Variants in ARHGAP22 observed in about 807,000 individuals in gnomAD.
The protein encoded by ARHGAP22 is Rho GTPase activating protein 22.
ARHGAP22 carries 48 observed loss-of-function variants against 59.1 expected under a neutral mutation model. That is an observed-to-expected ratio of 0.81 (90% CI 0.64 to 1.03). The LOEUF (loss-of-function observed/expected upper bound fraction) is 1.03. Among genes scored for constraint, ARHGAP22 ranks in the 50% least tolerant of loss-of-function variants. The pLI, the probability that ARHGAP22 is intolerant of heterozygous loss-of-function variation, is 0.00. For missense variants in ARHGAP22, 1,015 were observed against 958.7 expected (o/e 1.06, Z -0.78); for synonymous variants, 445 against 416.4 (o/e 1.07, Z -0.84).
intron 3 of ARHGAP22, among the ~76,000 whole-genome samples, chr10:48,487,095 C>A: frequency 6.6e-6 from 1 of 152,104 alleles, no homozygotes; most frequent in Middle Eastern, 3.2e-3. Flanking sequence ...TTATAGTTTT[C>A]ATAACATTTG....
chr10:48,632,493 A>G (rs2061661488), intron 1 of ARHGAP22, among the ~76,000 whole-genome samples: 1 of 152,012 alleles, frequency 6.6e-6, no homozygotes, highest in Non-Finnish European at 1.5e-5. Context: ...TATAATTCCT[A>G]TCCTTGTTCT....
At chr10:48,439,927 G>A in the ARHGAP22 span, among the ~76,000 whole-genome samples, 3 of 152,240 alleles carry the variant, frequency 2.0e-5, no homozygotes, top group Admixed American at 6.5e-5. Context: ...AGAGGAAGGG[G>A]CTGATCTTTT....
intron 1 of ARHGAP22, among the ~76,000 whole-genome samples, chr10:48,602,205 T>C (rs1463844464): frequency 1.3e-5 from 2 of 152,188 alleles, no homozygotes; most frequent in Non-Finnish European, 2.9e-5. Context: ...TACTTCATCA[T>C]ATTAATAGAG....
chr10:48,627,832 A>G (rs932990456), intron 1 of ARHGAP22, among the ~76,000 whole-genome samples: 66 of 152,280 alleles, frequency 4.3e-4, no homozygotes, highest in African/African-American at 1.5e-3. Flanking sequence ...TGGGCACTTC[A>G]TTCAGGCCAC....
At chr10:48,469,442 C>T (rs772763635) in intron 4 of ARHGAP22, among the ~76,000 whole-genome samples, 5 of 152,244 alleles carry the variant, frequency 3.3e-5, no homozygotes, top group Admixed American at 6.5e-5. Flanking sequence ...GGCCTCTTCA[C>T]TCTGGATGGT....
chr10:48,459,835 G>A lies in ARHGAP22; in HGVS notation c.508C>T (p.Arg170Cys), dbSNP rs765584523. 9.3e-6 allele frequency: 15 copies of A among 1,613,312 alleles called. No homozygotes were observed. In the Admixed American group the frequency reaches 1.2e-4, roughly 13 times the overall value. Residue 170 changes from arginine (R) to cysteine (C), a missense_variant, in exon 5 of 10, where the codon CGC becomes TGC. Arg to Cys is a radical substitution (Grantham distance 180). Transcript: ENST00000249601. ...TGCTCCACCAGCAGGGGCGCCAGGC[G>A]GGGGCCATACTTCCGCTCGTGGTGG... The part of the protein sequence containing the change: ...TVHHERKYGP[R>C]LAPLLVEQCV...
chr10:48,581,931 C>T (rs1259933044), intron 2 of ARHGAP22, among the ~76,000 whole-genome samples: 1 of 152,198 alleles, frequency 6.6e-6, no homozygotes, highest in Admixed American at 6.5e-5. Flanking sequence ...CCCTTTTCAC[C>T]CCTGTGCCCC....
chr10:48,471,791 A>G (rs965365130), intron 4 of ARHGAP22, among the ~76,000 whole-genome samples: 1 of 152,202 alleles, frequency 6.6e-6, no homozygotes, highest in African/African-American at 2.4e-5. Context: ...GATTATTGCA[A>G]ATTCATCTCC....
intron 1 of ARHGAP22, among the ~76,000 whole-genome samples, chr10:48,613,771 G>A (rs2060981336): frequency 6.6e-6 from 1 of 152,116 alleles, no homozygotes; most frequent in South Asian, 2.1e-4. Context: ...GTTTACTTAA[G>A]GAAGTGCTAT....
intron 3 of ARHGAP22, among the ~76,000 whole-genome samples, chr10:48,495,133 T>C (rs562576180): frequency 1.3e-5 from 2 of 152,336 alleles, no homozygotes; most frequent in South Asian, 2.1e-4. Flanking sequence ...TATGAAGGAA[T>C]GTATGACTGT....
intron 1 of ARHGAP22, among the ~76,000 whole-genome samples, chr10:48,618,631 G>A (rs950441018): frequency 6.6e-6 from 1 of 151,962 alleles, no homozygotes; most frequent in East Asian, 1.9e-4. Flanking sequence ...AAAAACATTA[G>A]ATAAAATTCA....
At chr10:48,623,229 G>A (rs933720829) in intron 1 of ARHGAP22, among the ~76,000 whole-genome samples, 3 of 152,172 alleles carry the variant, frequency 2.0e-5, no homozygotes, top group African/African-American at 7.2e-5. Flanking sequence ...GACAGTCCCT[G>A]GTTCAAGTGA....
At chr10:48,470,266 G>A (rs1183148821) in intron 4 of ARHGAP22, among the ~76,000 whole-genome samples, 11 of 152,324 alleles carry the variant, frequency 7.2e-5, no homozygotes, top group East Asian at 1.9e-4. Flanking sequence ...GAACGTTAGC[G>A]TCCTGACCTT....
At chr10:48,603,264 T>C (rs1231197925) in intron 1 of ARHGAP22, among the ~76,000 whole-genome samples, 2 of 152,232 alleles carry the variant, frequency 1.3e-5, no homozygotes, top group African/African-American at 4.8e-5. Context: ...GTAAGCCCCT[T>C]TGCTGAAGCA....
At chr10:48,541,102 T>C (rs1173879524) in intron 3 of ARHGAP22, among the ~76,000 whole-genome samples, 3 of 152,110 alleles carry the variant, frequency 2.0e-5, no homozygotes, top group South Asian at 4.1e-4. Flanking sequence ...GTGATGCTGA[T>C]GCAGCTGGCC....
At chr10:48,590,649 A>T (rs1316621381) in intron 1 of ARHGAP22, among the ~76,000 whole-genome samples, 2 of 152,166 alleles carry the variant, frequency 1.3e-5, no homozygotes, top group Non-Finnish European at 2.9e-5. Flanking sequence ...CCTGGTCAGG[A>T]CTACAGGTCG....
At chr10:48,548,856 G>A (rs928840225) in intron 3 of ARHGAP22, among the ~76,000 whole-genome samples, 1 of 152,226 alleles carries the variant, frequency 6.6e-6, no homozygotes, top group African/African-American at 2.4e-5. Context: ...GTGGGGCCTG[G>A]CTCCTTCATG....
chr10:48,611,845 T>A (rs2135973563), intron 1 of ARHGAP22, among the ~76,000 whole-genome samples: 2 of 42,056 alleles, frequency 4.8e-5, no homozygotes, highest in South Asian at 3.6e-3. Flanking sequence ...TCCCTTCCCT[T>A]CCCTTCCCTT....
rs901511008 is a variant in ARHGAP22 at position 48,632,807 on chromosome 10, C to T, written c.52+19427G>A. ...TTTGCTGTGTCTGCAGATGCCAGAG[C>T]GAAATCATTGATTTTAAGTTTGCAC... On this transcript the variant is annotated intron_variant, in intron 1 of 9. Coordinates refer to the ARHGAP22 transcript ENST00000435790. Among the ~76,000 whole-genome samples the T allele has an allele frequency of 5.3e-5, 8 of 152,066 alleles. No homozygotes were observed. In the East Asian group the frequency reaches 7.7e-4, roughly 15 times the overall value.
Sources: gnomAD v4.1 joint callset for allele counts (sites outside exome capture counted in the v4.1 genomes callset) on GRCh38, gnomAD v4.1.1 for gene constraint, MANE v1.5 for transcripts, NCBI Gene and HGNC (gene_info 2026-07-23, HGNC 2026-07-21) for gene names.